The following CCDC13 variants were observed in gnomAD, a reference collection of about 807,000 sequenced individuals.
CCDC13 encodes the protein coiled-coil domain-containing protein 13.
In CCDC13, 70 loss-of-function variants were observed where a neutral mutation model predicts 87.3. The ratio of observed to expected loss-of-function variants is 0.80; its 90% CI spans 0.66 to 0.98. The LOEUF (loss-of-function observed/expected upper bound fraction) is 0.98. Ranked by LOEUF, CCDC13 falls within the 50% of genes least tolerant of loss-of-function variation. The pLI is 0.00. For synonymous variants in CCDC13, 317 were observed against 360.3 expected, an observed-to-expected ratio of 0.88 and a Z score of 1.36; for missense variants, 842 against 892.0, an observed-to-expected ratio of 0.94 and a Z score of 0.71.
chr3:42,754,108 C>G (rs1699652344), intron 3 of CCDC13, among the ~76,000 whole-genome samples: 1 of 152,212 alleles, frequency 6.6e-6, no homozygotes, highest in Non-Finnish European at 1.5e-5. Flanking sequence ...CAGGGAGTAA[C>G]TGGCAGTCCT....
chr3:42,752,553 G>A (rs757626619), intron 4 of CCDC13, 22 bp downstream of exon 4: 5 of 1,613,828 alleles, frequency 3.1e-6, no homozygotes, highest in Non-Finnish European at 4.2e-6. Flanking sequence ...CCTCCAGAGG[G>A]AGAATGACCA....
At chr3:42,765,488 C>A (rs995643201) in intron 1 of CCDC13, among the ~76,000 whole-genome samples, 4 of 152,318 alleles carry the variant, frequency 2.6e-5, no homozygotes, top group Admixed American at 2.6e-4. Context: ...TCACAGCAAC[C>A]TCCATCTCCT....
At chr3:42,758,451 T>C in intron 1 of CCDC13, 100 bp from the exon 2 acceptor site, 1 of 1,139,304 alleles carries the variant, frequency 8.8e-7, no homozygotes, top group Non-Finnish European at 1.2e-6. Context: ...AGTTTACTGC[T>C]TCGCGTTGCA....
At chr3:42,740,365 G>A (rs1559649589) in intron 8 of CCDC13, among the ~76,000 whole-genome samples, 3 of 152,102 alleles carry the variant, frequency 2.0e-5, no homozygotes, top group Non-Finnish European at 4.4e-5. Flanking sequence ...CACATCTTCG[G>A]AGTCTCTCAT....
intron 7 of CCDC13, 127 bp downstream of exon 7, chr3:42,745,796 G>T: frequency 1.6e-6 from 1 of 633,656 alleles, no homozygotes; most frequent in Non-Finnish European, 2.8e-6. Flanking sequence ...CCGCACGAGT[G>T]CACTGTGAGA....
intron 1 of CCDC13, among the ~76,000 whole-genome samples, chr3:42,766,856 G>A (rs1027090661): frequency 1.3e-5 from 2 of 152,134 alleles, no homozygotes; most frequent in Non-Finnish European, 1.5e-5. Context: ...AAAATCCAAT[G>A]CTCATTCATG....
intron 13 of CCDC13, chr3:42,718,117 T>C (rs59713146): frequency 0.23 from 35,452 of 152,174 alleles, 4,385 homozygotes; most frequent in Non-Finnish European, 0.28. Flanking sequence ...AACTGCTGCA[T>C]TCCCAGATGG....
chr3:42,747,170 C>A, intron 6 of CCDC13, 87 bp downstream of exon 6: 1 of 994,512 alleles, frequency 1.0e-6, no homozygotes, highest in African/African-American at 1.6e-5. Context: ...ACTCATGGCT[C>A]CAGAAAGGAA....
chr3:42,709,248 A>C, intron 15 of CCDC13, 109 bp from the exon 16 acceptor site: 1 of 1,179,056 alleles, frequency 8.5e-7, no homozygotes, highest in Non-Finnish European at 1.2e-6. Context: ...CTTCAGGCTC[A>C]GGCTTCCCTC....
chr3:42,750,858 G>A (rs539039354), intron 5 of CCDC13, among the ~76,000 whole-genome samples: 1 of 152,314 alleles, frequency 6.6e-6, no homozygotes, highest in Non-Finnish European at 1.5e-5. Flanking sequence ...GCCCTAGTTC[G>A]GAATGTGGAG....
chr3:42,716,683 A>G (rs1698437830), intron 13 of CCDC13, among the ~76,000 whole-genome samples: 1 of 152,228 alleles, frequency 6.6e-6, no homozygotes, highest in Non-Finnish European at 1.5e-5. Context: ...AAAAAAAGGA[A>G]AATAAGTGTT....
intron 6 of CCDC13, 91 bp from the exon 7 acceptor site, chr3:42,746,118 A>C: frequency 1.1e-6 from 1 of 938,600 alleles, no homozygotes; most frequent in Admixed American, 1.8e-5. Flanking sequence ...ATTCAGAAGC[A>C]GTCTTCACCT....
intron 13 of CCDC13, among the ~76,000 whole-genome samples, chr3:42,714,819 C>T (rs1202396053): frequency 2.0e-5 from 3 of 152,220 alleles, no homozygotes; most frequent in Non-Finnish European, 2.9e-5. Flanking sequence ...CATATTTAAG[C>T]ATATTCCTTG....
intron 6 of CCDC13, 123 bp from the exon 7 acceptor site, chr3:42,746,150 A>C (rs757832207): frequency 2.7e-6 from 2 of 743,062 alleles, no homozygotes; most frequent in Non-Finnish European, 4.7e-6. Context: ...TTCCCATCTC[A>C]GAGCATAGCC....
At chr3:42,739,907 G>A in intron 8 of CCDC13, 97 bp from the exon 9 acceptor site, 1 of 1,157,412 alleles carries the variant, frequency 8.6e-7, no homozygotes, top group South Asian at 1.4e-5. Context: ...CCCGGGGCTG[G>A]GGGTGGGGGT....
At chr3:42,724,494 A>G (rs1698642917) in intron 13 of CCDC13, among the ~76,000 whole-genome samples, 1 of 152,136 alleles carries the variant, frequency 6.6e-6, no homozygotes, top group Non-Finnish European at 1.5e-5. Context: ...CCTCTTGCAC[A>G]CTTTGGTATT....
At chr3:42,737,715 T>C (rs1261484746) in intron 9 of CCDC13, among the ~76,000 whole-genome samples, 1 of 152,262 alleles carries the variant, frequency 6.6e-6, no homozygotes, top group East Asian at 1.9e-4. Context: ...ATGTCTTCTT[T>C]TGAGAAGCGT....
At chr3:42,714,347 C>T (rs1473696969) in intron 13 of CCDC13, among the ~76,000 whole-genome samples, 1 of 152,160 alleles carries the variant, frequency 6.6e-6, no homozygotes, top group Non-Finnish European at 1.5e-5. Context: ...GCATAGACAC[C>T]AAAAGCCTGT....
rs1206498925 is a variant in CCDC13, at chr3:42,709,750, T to C, written c.1922A>G (p.Lys641Arg). 1 of 1,613,958 alleles carries C rather than the reference T, an allele frequency of 6.2e-7. No individual in the cohort carries two copies. Among genetic ancestry groups the C allele is most frequent in the Non-Finnish European group, 8.5e-7 (1 of 1,179,918 alleles). Residue 641 changes from lysine to arginine, a missense_variant, in exon 15 of 16, where the codon AAG becomes AGG. Physicochemically the swap from Lys to Arg is conservative, Grantham distance 26 (BLOSUM62 2). Transcript: ENST00000310232. ...NRHNPTGSEK[K>R]DPSFAQLSDV... ...GGAGAGCTGGGCAAAGGATGGGTCC[T>C]TCTTCTCGCTCCCGGTTGGGTTGTG...
Sources: gnomAD v4.1 joint callset for allele counts (sites outside exome capture counted in the v4.1 genomes callset) on GRCh38, gnomAD v4.1.1 for gene constraint, MANE v1.5 for transcripts, NCBI Gene and HGNC (gene_info 2026-07-23, HGNC 2026-07-21) for gene names.